Variants in LIMS1 observed in about 807,000 individuals in gnomAD.
LIMS1 encodes the protein LIM and senescent cell antigen-like-containing domain protein 1.
A neutral mutation model predicts 44.1 loss-of-function variants in LIMS1; 18 were observed. The observed-to-expected ratio is 0.41, with a 90% CI of 0.28 to 0.61. LIMS1 has a LOEUF of 0.61. LIMS1 is among the 20% of genes least tolerant of loss of function. The pLI is 0.32. For synonymous variants in LIMS1, 93 were observed against 149.1 expected (o/e 0.62, Z 2.74); for missense variants, 201 against 422.0 (o/e 0.48, Z 4.59).
Position 108,674,110 on chromosome 2 carries a change from G to A in LIMS1, c.530+1081G>A, listed in dbSNP as rs183356284. On this transcript the variant is annotated intron_variant, in intron 5 of 9. Transcript: ENST00000544547. ...TGGGAGGCCGAGGCGGGCAGATCAC[G>A]AGGTCAGGAGATCAAGACCATCCTG... Among the ~76,000 whole-genome samples the A allele has an allele frequency of 8.2e-3, 1,242 of 151,940 alleles. 5 individuals are homozygous for A. The highest frequency in any genetic ancestry group is 0.012 in the Non-Finnish European group (800 of 67,948).
intron 5 of LIMS1, 126 bp downstream of exon 5, chr2:108,673,155 C>G (rs1692258770): frequency 1.4e-6 from 2 of 1,389,754 alleles, no homozygotes; most frequent in Non-Finnish European, 9.9e-7. Flanking sequence ...AATTTTAAAC[C>G]TATAGACGAG....
rs189139226 is a variant in LIMS1, at chr2:108,599,977, G to A, written c.33-59628G>A. Among the ~76,000 whole-genome samples, 561 of 151,250 alleles carry A rather than the reference G, an allele frequency of 3.7e-3. 2 individuals are homozygous for A. The highest frequency in any genetic ancestry group is 5.3e-3 in the Admixed American group (80 of 15,006). ...GTTTGCAGATATCTTCTCCCATTCT[G>A]TGGTTGTCTTTTCTCTTTGTTGACT... is the stretch of plus-strand genomic sequence containing the variant. On this transcript the variant is annotated intron_variant, in intron 1 of 9. Transcript: ENST00000544547.
At chr2:108,566,900 C>A (rs1467908448) in intron 1 of LIMS1, among the ~76,000 whole-genome samples, 1 of 152,052 alleles carries the variant, frequency 6.6e-6, no homozygotes, top group Non-Finnish European at 1.5e-5. Context: ...CCTGGCCCAT[C>A]GTAACACTTT....
intron 1 of LIMS1, among the ~76,000 whole-genome samples, chr2:108,633,382 A>G (rs1436701789): frequency 6.6e-6 from 1 of 152,206 alleles, no homozygotes; most frequent in Admixed American, 6.5e-5. Flanking sequence ...TTTTTATACA[A>G]CCAGCATAGG....
intron 1 of LIMS1, chr2:108,588,434 A>G: frequency 1.0e-6 from 1 of 985,518 alleles, no homozygotes; most frequent in Non-Finnish European, 1.2e-6. Context: ...AAGTAAGTTA[A>G]ATAAGAGTAG....
chr2:108,584,852 A>G (rs1686030855), intron 1 of LIMS1, among the ~76,000 whole-genome samples: 1 of 151,976 alleles, frequency 6.6e-6, no homozygotes, highest in Non-Finnish European at 1.5e-5. Context: ...GTTTGGGGAC[A>G]TAGATGGAGC....
chr2:108,640,930 T>C (rs10173366), intron 1 of LIMS1, among the ~76,000 whole-genome samples: 3,214 of 152,216 alleles, frequency 0.021, 48 homozygotes, highest in Non-Finnish European at 0.025. Context: ...TCTCCCTCTC[T>C]CCCCTCCCAG....
chr2:108,627,872 T>A (rs1331764949), intron 1 of LIMS1, among the ~76,000 whole-genome samples: 1 of 152,234 alleles, frequency 6.6e-6, no homozygotes, highest in Admixed American at 6.5e-5. Flanking sequence ...ATGAACCTCC[T>A]TAAGTTTTTT....
At chr2:108,592,014 C>G (rs568585304) in intron 1 of LIMS1, among the ~76,000 whole-genome samples, 22 of 152,060 alleles carry the variant, frequency 1.4e-4, no homozygotes, top group African/African-American at 5.1e-4. Context: ...AGGCTGGTCT[C>G]GAACTCCTGA....
At chr2:108,564,727 A>G (rs2104618352) in intron 1 of LIMS1, among the ~76,000 whole-genome samples, 1 of 152,278 alleles carries the variant, frequency 6.6e-6, no homozygotes, top group East Asian at 1.9e-4. Flanking sequence ...TTCCACAAGA[A>G]TGTTTGAAAT....
At position 108,642,335 on chromosome 2, in the gene LIMS1, G is replaced by GTTT. The variant is rs1332814174; in HGVS notation, c.33-17266_33-17264dup. ...AGAGGAGTAATTTTAAGCTACTAGTGTTTTTTGTTTTTTTTTTTTTTTGTT... is the reference window on the plus strand; with the variant it reads ...AGAGGAGTAATTTTAAGCTACTAGTGTTTTTTTTTGTTTTTTTTTTTTTTTGTT... On this transcript the variant is annotated intron_variant, in intron 1 of 9. Coordinates refer to ENST00000544547, the Ensembl canonical transcript of LIMS1. Among the ~76,000 whole-genome samples, 19 of 34,152 alleles carry GTTT rather than the reference G, an allele frequency of 5.6e-4. 3 individuals are homozygous for GTTT. The highest frequency in any genetic ancestry group is 1.3e-3 in the African/African-American group (13 of 10,304). 22.4% of individuals were successfully genotyped at this position (34,152 alleles called of 152,430 possible).
At chr2:108,681,950 G>A (rs760801184) in intron 9 of LIMS1, among the ~76,000 whole-genome samples, 6 of 151,664 alleles carry the variant, frequency 4.0e-5, no homozygotes, top group Non-Finnish European at 8.8e-5. Flanking sequence ...TCTGATTTAC[G>A]TAAGACATCT....
intron 7 of LIMS1, among the ~76,000 whole-genome samples, chr2:108,677,771 T>C (rs1692671565): frequency 6.6e-6 from 1 of 152,254 alleles, no homozygotes; most frequent in Non-Finnish European, 1.5e-5. Flanking sequence ...CTTATTTGGG[T>C]GTTCAAACTG....
At chr2:108,555,002 T>C (rs967557163) in intron 1 of LIMS1, among the ~76,000 whole-genome samples, 2 of 152,202 alleles carry the variant, frequency 1.3e-5, no homozygotes, top group Non-Finnish European at 2.9e-5. Flanking sequence ...TGGACAGTGC[T>C]GGCTGCCTAT....
intron 1 of LIMS1, among the ~76,000 whole-genome samples, chr2:108,612,043 CACACACACACATAT>C (rs145999915): frequency 0.14 from 18,780 of 133,792 alleles, 2,714 homozygotes; most frequent in African/African-American, 0.26. Flanking sequence ...CACACACACA[CACACACACACATAT>C]ATATATATAT....
At chr2:108,686,905 G>A (rs1261469869) in exon 10 of LIMS1, 1 of 152,128 alleles carries the variant, frequency 6.6e-6, no homozygotes, top group Non-Finnish European at 1.5e-5. Context: ...AGTCCTACAA[G>A]ACAATTTGAA....
intron 1 of LIMS1, among the ~76,000 whole-genome samples, chr2:108,540,216 T>TTG (rs1684273546): frequency 1.4e-5 from 2 of 148,008 alleles, no homozygotes; most frequent in African/African-American, 2.5e-5. Context: ...TTTTTTTTTT[T>TTG]GAGACGGAGT....
chr2:108,627,305 G>C (rs766951418), intron 1 of LIMS1, among the ~76,000 whole-genome samples: 19 of 151,866 alleles, frequency 1.3e-4, no homozygotes, highest in Non-Finnish European at 2.1e-4. Context: ...GGGAGTTTAT[G>C]CTGAAATTAA....
chr2:108,614,499 C>T (rs972783574), intron 1 of LIMS1, among the ~76,000 whole-genome samples: 1 of 152,186 alleles, frequency 6.6e-6, no homozygotes, highest in Non-Finnish European at 1.5e-5. Context: ...ATGCCAAATA[C>T]ATGTTTACAT....
Sources: gnomAD v4.1 joint callset for allele counts (sites outside exome capture counted in the v4.1 genomes callset) on GRCh38, gnomAD v4.1.1 for gene constraint, MANE v1.5 for transcripts, NCBI Gene and HGNC (gene_info 2026-07-23, HGNC 2026-07-21) for gene names.